The following MFSD8 variants were observed in gnomAD, a reference collection of about 807,000 sequenced individuals.
MFSD8 encodes major facilitator superfamily domain-containing protein 8.
A neutral mutation model predicts 66.4 loss-of-function variants in MFSD8; 55 were observed. The observed-to-expected ratio is 0.83, with a 90% CI of 0.67 to 1.04. The LOEUF (loss-of-function observed/expected upper bound fraction) is 1.04. MFSD8 is among the 50% of genes least tolerant of loss of function. The pLI is 0.00. For missense variants in MFSD8, 550 were observed against 627.6 expected (o/e 0.88, Z 1.32); for synonymous variants, 202 against 212.8 (o/e 0.95, Z 0.44).
At chr4:127,932,879 G>T in intron 8 of MFSD8, 106 bp downstream of exon 8, 1 of 918,042 alleles carries the variant, frequency 1.1e-6, no homozygotes, top group South Asian at 1.6e-5. Flanking sequence ...AGAAAAATTT[G>T]CCTTACATAA....
Position 127,930,790 on chromosome 4 carries a change from C to T in MFSD8, c.891G>A (p.Met297Ile). The T allele has an allele frequency of 6.2e-7, 1 of 1,611,364 alleles. No homozygotes were observed. Among genetic ancestry groups the T allele is most frequent in the East Asian group, 2.2e-5 (1 of 44,724 alleles). ...ETIITPLTMD[M>I]YAWTQEQAVL... is the part of the protein sequence containing the mutation. ...CAGCTTGTTCTTGAGTCCAGGCATA[C>T]ATATCCATTGTTAATGGAGTAATGA... is the stretch of plus-strand genomic sequence containing the variant. Residue 297 changes from methionine to isoleucine, a missense_variant, in exon 9 of 12, where the codon ATG (methionine) becomes ATA (isoleucine). Transcript: ENST00000641686.
At chr4:127,931,214 T>C (rs1044092407) in intron 8 of MFSD8, among the ~76,000 whole-genome samples, 2 of 152,208 alleles carry the variant, frequency 1.3e-5, no homozygotes, top group Non-Finnish European at 2.9e-5. Context: ...TATCAGAATA[T>C]ACTGGATTTT....
intron 5 of MFSD8, 112 bp from the exon 6 acceptor site, chr4:127,940,109 T>G (rs547812350): frequency 1.1e-5 from 11 of 1,038,764 alleles, no homozygotes; most frequent in Non-Finnish European, 1.6e-5. Flanking sequence ...ATCATCCTTC[T>G]ATATCATGCA....
At chr4:127,965,573 G>A (rs1354419750), upstream of MFSD8, 4 of 236,498 alleles carry the variant, frequency 1.7e-5, no homozygotes, top group Non-Finnish European at 3.4e-5. Flanking sequence ...GGGAGGCCCG[G>A]CCAGCTCGAT....
At chr4:127,950,885 CCT>C (rs1354719317) in intron 2 of MFSD8, among the ~76,000 whole-genome samples, 1 of 150,626 alleles carries the variant, frequency 6.6e-6, no homozygotes, top group Non-Finnish European at 1.5e-5. Flanking sequence ...TGGAGAAACC[CCT>C]CTCTGCAAAA....
chr4:127,964,979 G>T (rs1744781817), intron 1 of MFSD8, 93 bp downstream of exon 1: 2 of 1,457,536 alleles, frequency 1.4e-6, no homozygotes, highest in Admixed American at 3.9e-5. Context: ...CCCTCTGGCA[G>T]CGAGGGTTTG....
At chr4:127,953,317 C>T (rs1742311384) in intron 2 of MFSD8, among the ~76,000 whole-genome samples, 2 of 151,796 alleles carry the variant, frequency 1.3e-5, no homozygotes, top group East Asian at 2.0e-4. Flanking sequence ...GGAGAAACCC[C>T]GTCTCTACTA....
chr4:127,956,293 CAGG>C (rs1310243091), intron 2 of MFSD8, among the ~76,000 whole-genome samples: 1 of 150,564 alleles, frequency 6.6e-6, no homozygotes, highest in East Asian at 2.0e-4. Context: ...ATCACGAGGT[CAGG>C]AGATCAAGAC....
At chr4:127,961,693 GTAGTCCCAGCTACTC>G (rs1743777717) in intron 1 of MFSD8, among the ~76,000 whole-genome samples, 1 of 151,934 alleles carries the variant, frequency 6.6e-6, no homozygotes, top group South Asian at 2.1e-4. Flanking sequence ...ACGGGCGCCT[GTAGTCCCAGCTACTC>G]TACTCGGGAG....
chr4:127,942,881 G>C (rs1200780497), intron 4 of MFSD8, among the ~76,000 whole-genome samples: 1 of 152,112 alleles, frequency 6.6e-6, no homozygotes, highest in Admixed American at 6.6e-5. Context: ...GACTCTGTTA[G>C]GGGGCATAGG....
chr4:127,949,246 A>G (rs1741555452), intron 3 of MFSD8, among the ~76,000 whole-genome samples: 1 of 152,214 alleles, frequency 6.6e-6, no homozygotes, highest in Non-Finnish European at 1.5e-5. Context: ...TTCTTCCTGG[A>G]GATTTAAGAT....
At chr4:127,927,862 G>A (rs1286795946) in intron 9 of MFSD8, among the ~76,000 whole-genome samples, 1 of 151,654 alleles carries the variant, frequency 6.6e-6, no homozygotes. Context: ...AATTGTGTTT[G>A]TGTGTGTGTC....
chr4:127,950,820 G>T (rs1400718749), intron 2 of MFSD8, among the ~76,000 whole-genome samples: 1 of 152,114 alleles, frequency 6.6e-6, no homozygotes, highest in Non-Finnish European at 1.5e-5. Context: ...AACTCTGGAA[G>T]GCCGAGGTGG....
intron 7 of MFSD8, among the ~76,000 whole-genome samples, chr4:127,938,455 C>T (rs1389688240): frequency 4.6e-5 from 7 of 151,898 alleles, no homozygotes; most frequent in East Asian, 3.9e-4. Flanking sequence ...TGGCGGCATG[C>T]GCCTGTAGTC....
At chr4:127,953,552 T>TG (rs1560770327) in intron 2 of MFSD8, among the ~76,000 whole-genome samples, 1 of 135,846 alleles carries the variant, frequency 7.4e-6, no homozygotes, top group Non-Finnish European at 1.6e-5. Flanking sequence ...TGTTTTTTTT[T>TG]TTTTTTTTTT....
chr4:127,930,608 T>A, intron 9 of MFSD8, 75 bp downstream of exon 9: 1 of 1,502,274 alleles, frequency 6.7e-7, no homozygotes, highest in Non-Finnish European at 9.2e-7. Context: ...TCCTGGTATA[T>A]CCATTTGCAT....
chr4:127,923,961 C>T (rs181833978), intron 9 of MFSD8, among the ~76,000 whole-genome samples: 117 of 152,160 alleles, frequency 7.7e-4, no homozygotes, highest in African/African-American at 2.8e-3. Context: ...TGTTGTGTCT[C>T]TGCCAGGTTT....
chr4:127,942,255 G>T, intron 4 of MFSD8, 97 bp from the exon 5 acceptor site: 1 of 910,442 alleles, frequency 1.1e-6, no homozygotes, highest in Non-Finnish European at 1.8e-6. Context: ...AGAAATCTTG[G>T]TCAACAGTAC....
chr4:127,947,863 A>AACACACACAC lies in MFSD8; in HGVS notation c.198+1931_198+1940dup, dbSNP rs10648496. On this transcript the variant is annotated intron_variant, in intron 3 of 11. Coordinates refer to ENST00000641686, the MANE Select transcript of MFSD8 (RefSeq NM_001371596.2). ...GATAAAACACACATATGCACGTGTG[A>AACACACACAC]ACACACACACACACACACACACACA... 7.5e-4 allele frequency among the ~76,000 whole-genome samples: 106 copies of AACACACACAC among 141,182 alleles called. No homozygotes were observed. In the Middle Eastern group the frequency reaches 0.011, roughly 14 times the overall value. 92.6% of individuals were successfully genotyped at this position (141,182 alleles called of 152,430 possible). A position where few individuals can be genotyped will look rare whatever the true frequency, so the allele number is the denominator to read the frequency against.
Sources: gnomAD v4.1 joint callset for allele counts (sites outside exome capture counted in the v4.1 genomes callset) on GRCh38, gnomAD v4.1.1 for gene constraint, MANE v1.5 for transcripts, NCBI Gene and HGNC (gene_info 2026-07-23, HGNC 2026-07-21) for gene names.